Variants in SERGEF observed in about 807,000 individuals in gnomAD.
SERGEF encodes secretion-regulating guanine nucleotide exchange factor.
A neutral mutation model predicts 50.0 loss-of-function variants in SERGEF; 51 were observed. The observed-to-expected ratio is 1.02, with a 90% CI of 0.81 to 1.29. The LOEUF is 1.29. Among genes scored for constraint, SERGEF ranks in the 50% most tolerant of loss-of-function variants. The pLI, the probability that SERGEF is intolerant of heterozygous loss-of-function variation, is 0.00. For missense variants in SERGEF, 521 were observed against 557.0 expected, an observed-to-expected ratio of 0.94 and a Z score of 0.65; for synonymous variants, 205 against 212.4, an observed-to-expected ratio of 0.97 and a Z score of 0.30.
At chr11:18,012,433 G>T (rs1224880417) in intron 1 of SERGEF, 2 of 985,868 alleles carry the variant, frequency 2.0e-6, no homozygotes, top group African/African-American at 1.8e-5. Flanking sequence ...GCAAGAACCG[G>T]TCACAGCAGA....
At chr11:17,897,304 TAG>T (rs1188841830) in intron 9 of SERGEF, among the ~76,000 whole-genome samples, 1 of 152,198 alleles carries the variant, frequency 6.6e-6, no homozygotes, top group Non-Finnish European at 1.5e-5. Context: ...GATTCTTCCC[TAG>T]AGTCTCCAGG....
At chr11:17,807,148 G>A (rs752098798) in intron 10 of SERGEF, among the ~76,000 whole-genome samples, 2 of 152,198 alleles carry the variant, frequency 1.3e-5, no homozygotes, top group Non-Finnish European at 2.9e-5. Flanking sequence ...ATGGAGAAGA[G>A]CAGTGTTCCT....
chr11:17,943,412 G>A (rs1852597989), intron 9 of SERGEF, among the ~76,000 whole-genome samples: 1 of 152,066 alleles, frequency 6.6e-6, no homozygotes, highest in Non-Finnish European at 1.5e-5. Context: ...TACATAATCT[G>A]TAGTGACATA....
intron 10 of SERGEF, among the ~76,000 whole-genome samples, chr11:17,852,689 G>A (rs1378571924): frequency 6.6e-6 from 1 of 152,184 alleles, no homozygotes; most frequent in Non-Finnish European, 1.5e-5. Context: ...AAAGAAGTAG[G>A]TACAGATGCA....
chr11:17,890,452 G>A (rs1851511496), intron 9 of SERGEF, among the ~76,000 whole-genome samples: 1 of 152,184 alleles, frequency 6.6e-6, no homozygotes, highest in Admixed American at 6.5e-5. Context: ...GGCTGTGTGT[G>A]TGTGTGTCTG....
chr11:18,012,774 T>TGCCCC, intron 1 of SERGEF, 177 bp downstream of exon 1: 10 of 1,285,086 alleles, frequency 7.8e-6, no homozygotes, highest in Non-Finnish European at 1.1e-5. Flanking sequence ...GACCCTTCCT[T>TGCCCC]CCCCGCCCGC....
intron 8 of SERGEF, among the ~76,000 whole-genome samples, chr11:17,966,030 A>G (rs1853115631): frequency 6.6e-6 from 1 of 152,252 alleles, no homozygotes; most frequent in Non-Finnish European, 1.5e-5. Context: ...CCATGGTTCC[A>G]CACAGCATTT....
At chr11:17,830,366 CTTAGTACATT>C (rs1308747727) in intron 10 of SERGEF, among the ~76,000 whole-genome samples, 3 of 152,268 alleles carry the variant, frequency 2.0e-5, no homozygotes, top group Middle Eastern at 3.4e-3. Context: ...CACTTGGTGT[CTTAGTACATT>C]TTGTGCTGCT....
intron 9 of SERGEF, among the ~76,000 whole-genome samples, chr11:17,887,974 C>G (rs1392112574): frequency 6.6e-6 from 1 of 152,198 alleles, no homozygotes; most frequent in East Asian, 1.9e-4. Flanking sequence ...CTTCCCATCG[C>G]TCACATTACC....
chr11:17,997,913 A>G (rs1853871765), intron 5 of SERGEF, among the ~76,000 whole-genome samples: 1 of 152,154 alleles, frequency 6.6e-6, no homozygotes, highest in African/African-American at 2.4e-5. Flanking sequence ...ATGGGTATAG[A>G]GTTTCAATTT....
At chr11:17,972,207 G>A (rs1186089125) in intron 8 of SERGEF, among the ~76,000 whole-genome samples, 1 of 152,216 alleles carries the variant, frequency 6.6e-6, no homozygotes, top group Non-Finnish European at 1.5e-5. Flanking sequence ...TGACAAAGCA[G>A]CAGCAGGGTT....
At chr11:17,862,738 C>T (rs948355992) in intron 10 of SERGEF, among the ~76,000 whole-genome samples, 18 of 152,158 alleles carry the variant, frequency 1.2e-4, no homozygotes, top group Admixed American at 7.9e-4. Context: ...TTTGCAGATA[C>T]GATGGTGCTG....
At chr11:17,857,059 G>C (rs1278094150) in intron 10 of SERGEF, among the ~76,000 whole-genome samples, 1 of 152,158 alleles carries the variant, frequency 6.6e-6, no homozygotes, top group East Asian at 1.9e-4. Context: ...TGGGTGAGTA[G>C]CAGAAACTAC....
intron 9 of SERGEF, among the ~76,000 whole-genome samples, chr11:17,913,648 T>C (rs1190748045): frequency 2.0e-5 from 3 of 152,164 alleles, no homozygotes; most frequent in Non-Finnish European, 2.9e-5. Flanking sequence ...CACTATCTAC[T>C]CCTCAGTCAT....
At chr11:17,815,642 G>A (rs754522374) in intron 10 of SERGEF, among the ~76,000 whole-genome samples, 42 of 148,874 alleles carry the variant, frequency 2.8e-4, no homozygotes, top group Admixed American at 1.0e-3. Context: ...AACAAAAACC[G>A]GCCGGGCTTG....
chr11:17,894,470 C>T (rs1205394391), intron 9 of SERGEF, among the ~76,000 whole-genome samples: 1 of 152,182 alleles, frequency 6.6e-6, no homozygotes, highest in Non-Finnish European at 1.5e-5. Flanking sequence ...ATTGCTTCCT[C>T]CTCTGGGTCC....
At chr11:17,955,394 G>C (rs746717493) in intron 9 of SERGEF, among the ~76,000 whole-genome samples, 2 of 152,136 alleles carry the variant, frequency 1.3e-5, no homozygotes, top group Non-Finnish European at 2.9e-5. Context: ...GCCAACACTG[G>C]TGCATGACAG....
chr11:17,876,800 CA>C (rs1251349982), intron 10 of SERGEF, among the ~76,000 whole-genome samples: 3 of 152,244 alleles, frequency 2.0e-5, no homozygotes, highest in Non-Finnish European at 4.4e-5. Flanking sequence ...CCAGTGATAG[CA>C]GTAGCAGCAA....
At chr11:17,878,142 A>G (rs1267094981) in intron 10 of SERGEF, 66 bp downstream of exon 10, 1 of 1,252,660 alleles carries the variant, frequency 8.0e-7, no homozygotes, top group Admixed American at 1.9e-5. Flanking sequence ...TGGTTAACCA[A>G]AAGTCTTCTC....
Sources: allele counts gnomAD v4.1 joint callset (sites outside exome capture counted in the v4.1 genomes callset), GRCh38; gene constraint gnomAD v4.1.1; transcripts MANE v1.5; gene names NCBI Gene and HGNC (gene_info 2026-07-23, HGNC 2026-07-21).